Variants in CHLSN observed in about 807,000 individuals in gnomAD.
CHLSN encodes cholesin, also known as protein cholesin.
chr7:1,047,969 A>G, the CHLSN span, among the ~76,000 whole-genome samples: 1 of 152,112 alleles, frequency 6.6e-6, no homozygotes, highest in Non-Finnish European at 1.5e-5. Flanking sequence ...GCACACATAA[A>G]AACTTCCCCT....
the CHLSN span, among the ~76,000 whole-genome samples, chr7:982,835 C>T: frequency 2.0e-5 from 3 of 152,360 alleles, no homozygotes; most frequent in East Asian, 5.8e-4. Context: ...GCCAGGGCCT[C>T]GGCCCCAAAG....
chr7:1,091,189 T>C, the CHLSN span, among the ~76,000 whole-genome samples: 1 of 152,178 alleles, frequency 6.6e-6, no homozygotes, highest in South Asian at 2.1e-4. Context: ...TGAGCAGCCG[T>C]GGGACCTGCA....
At chr7:1,048,304 C>T in the CHLSN span, among the ~76,000 whole-genome samples, 1 of 152,184 alleles carries the variant, frequency 6.6e-6, no homozygotes, top group Non-Finnish European at 1.5e-5. Flanking sequence ...AACTTCCCGA[C>T]TAACAGGGAC....
At chr7:1,064,774 CTG>C in the CHLSN span, among the ~76,000 whole-genome samples, 1 of 152,194 alleles carries the variant, frequency 6.6e-6, no homozygotes, top group African/African-American at 2.4e-5. Context: ...ACGAGGGAGA[CTG>C]AAGCCCAGAG....
the CHLSN span, among the ~76,000 whole-genome samples, chr7:1,100,463 G>A: frequency 2.0e-5 from 3 of 152,370 alleles, no homozygotes; most frequent in Non-Finnish European, 4.4e-5. Flanking sequence ...TGAGGCGTGC[G>A]GCCCATCTCC....
the CHLSN span, among the ~76,000 whole-genome samples, chr7:1,020,724 G>A: frequency 2.0e-5 from 3 of 152,316 alleles, no homozygotes; most frequent in Middle Eastern, 6.8e-3. Flanking sequence ...CTGATCTCAG[G>A]GGCAGACACC....
chr7:1,036,443 G>A, the CHLSN span, among the ~76,000 whole-genome samples: 6 of 126,528 alleles, frequency 4.7e-5, no homozygotes, highest in East Asian at 1.9e-4. Context: ...TGTAGGGTTC[G>A]GGTGCTCGTG....
chr7:1,008,282 G>A, the CHLSN span, among the ~76,000 whole-genome samples: 2 of 152,170 alleles, frequency 1.3e-5, no homozygotes, highest in Non-Finnish European at 2.9e-5. Flanking sequence ...CTGCACTAAC[G>A]GCCTCTGAAG....
At chr7:1,004,934 C>T in the CHLSN span, among the ~76,000 whole-genome samples, 1 of 152,156 alleles carries the variant, frequency 6.6e-6, no homozygotes, top group Non-Finnish European at 1.5e-5. Context: ...AGAAGAACCT[C>T]CTCCCCTGTG....
At chr7:1,045,519 TG>T in the CHLSN span, 1 of 152,186 alleles carries the variant, frequency 6.6e-6, no homozygotes, top group Admixed American at 6.5e-5. Context: ...TCTGCAAACT[TG>T]TATGAGTAAA....
At chr7:1,078,356 G>A in the CHLSN span, among the ~76,000 whole-genome samples, 32 of 152,134 alleles carry the variant, frequency 2.1e-4, no homozygotes, top group Non-Finnish European at 4.1e-4. Context: ...GGGTGGGGGG[G>A]GGCTCAGGCA....
chr7:999,155 TAA>T, the CHLSN span, among the ~76,000 whole-genome samples: 14 of 152,230 alleles, frequency 9.2e-5, no homozygotes, highest in Non-Finnish European at 1.9e-4. Flanking sequence ...TTTTTCTGTA[TAA>T]AAAGTTTTGT....
At chr7:1,055,263 G>C in the CHLSN span, 1 of 471,178 alleles carries the variant, frequency 2.1e-6, no homozygotes, top group South Asian at 1.5e-5. Context: ...GAGGCCCTGC[G>C]GGGAACTTAC....
At chr7:1,069,485 G>A in the CHLSN span, among the ~76,000 whole-genome samples, 2 of 142,130 alleles carry the variant, frequency 1.4e-5, no homozygotes, top group Non-Finnish European at 1.5e-5. Flanking sequence ...TCAGCCTGCC[G>A]AGTGCCTGCG....
the CHLSN span, among the ~76,000 whole-genome samples, chr7:1,136,246 TAA>T: frequency 8.5e-6 from 1 of 116,970 alleles, no homozygotes; most frequent in East Asian, 2.8e-4. Context: ...AAAATATATA[TAA>T]ATATATATAA....
the CHLSN span, among the ~76,000 whole-genome samples, chr7:1,090,970 ACT>A: frequency 6.6e-6 from 1 of 151,538 alleles, no homozygotes; most frequent in South Asian, 2.1e-4. Flanking sequence ...TTCTGGACCC[ACT>A]CTCTCTCTCT....
the CHLSN span, among the ~76,000 whole-genome samples, chr7:1,027,361 G>C: frequency 1.3e-5 from 2 of 152,252 alleles, no homozygotes; most frequent in East Asian, 3.8e-4. Context: ...CCCGGTTCGC[G>C]TGTCCGTGCG....
the CHLSN span, among the ~76,000 whole-genome samples, chr7:1,068,372 G>T: frequency 6.6e-6 from 1 of 152,150 alleles, no homozygotes; most frequent in Non-Finnish European, 1.5e-5. Flanking sequence ...ACTGCCACCC[G>T]GCAGGGAGCA....
At chr7:1,072,611 G>A in the CHLSN span, among the ~76,000 whole-genome samples, 2 of 152,058 alleles carry the variant, frequency 1.3e-5, no homozygotes, top group African/African-American at 4.8e-5. Flanking sequence ...CACCAGTGCC[G>A]CCAGCTAGGC....
Sources: allele counts gnomAD v4.1 joint callset (sites outside exome capture counted in the v4.1 genomes callset), GRCh38; gene constraint gnomAD v4.1.1; transcripts MANE v1.5; gene names NCBI Gene and HGNC (gene_info 2026-07-23, HGNC 2026-07-21).